The following SAMD3 variants were observed in gnomAD, a reference collection of about 807,000 sequenced individuals.
The protein encoded by SAMD3 is sterile alpha motif domain-containing protein 3.
SAMD3 carries 63 observed loss-of-function variants against 58.5 expected under a neutral mutation model. The ratio of observed to expected loss-of-function variants is 1.08; its 90% confidence interval spans 0.88 to 1.33. The LOEUF is 1.33. Ranked by LOEUF, SAMD3 falls within the 40% of genes most tolerant of loss-of-function variation. SAMD3 has a pLI of 0.00. For missense variants in SAMD3, 604 were observed against 608.4 expected (o/e 0.99, Z 0.08); for synonymous variants, 220 against 210.3 (o/e 1.05, Z -0.40).
At chr6:130,335,728 G>C (rs537150593) in intron 1 of SAMD3, among the ~76,000 whole-genome samples, 37 of 152,136 alleles carry the variant, frequency 2.4e-4, no homozygotes, top group African/African-American at 8.4e-4. Context: ...TGTTTATTGC[G>C]GCTCTATTCA....
chr6:130,165,125 T>C (rs1403260887), intron 8 of SAMD3, among the ~76,000 whole-genome samples: 4 of 152,148 alleles, frequency 2.6e-5, no homozygotes, highest in Non-Finnish European at 5.9e-5. Context: ...ACAACTGTTG[T>C]TTCTGGAGAA....
intron 2 of SAMD3, among the ~76,000 whole-genome samples, chr6:130,262,747 A>G (rs1053064887): frequency 6.6e-6 from 1 of 152,192 alleles, no homozygotes; most frequent in Non-Finnish European, 1.5e-5. Context: ...AGGAGCCATA[A>G]GAATGTAAAG....
chr6:130,287,671 C>T (rs190837349), intron 2 of SAMD3, among the ~76,000 whole-genome samples: 14 of 152,142 alleles, frequency 9.2e-5, no homozygotes, highest in Non-Finnish European at 1.8e-4. Context: ...TGTGGCCGGG[C>T]GCAGTGGCTC....
At chr6:130,190,731 C>G (rs910603438) in intron 5 of SAMD3, among the ~76,000 whole-genome samples, 1 of 151,924 alleles carries the variant, frequency 6.6e-6, no homozygotes, top group African/African-American at 2.4e-5. Context: ...AATTTATCCC[C>G]CTATATAGCC....
At chr6:130,287,943 C>CAA (rs3029967) in intron 2 of SAMD3, among the ~76,000 whole-genome samples, 48 of 107,060 alleles carry the variant, frequency 4.5e-4, no homozygotes, top group African/African-American at 1.6e-3. Context: ...GACTCCGTCT[C>CAA]AAAAAAAAAA....
chr6:130,218,155 T>C (rs1796086483), intron 1 of SAMD3, among the ~76,000 whole-genome samples: 2 of 152,104 alleles, frequency 1.3e-5, no homozygotes, highest in Non-Finnish European at 2.9e-5. Context: ...CTTTGAAGGG[T>C]CAGAAGAATG....
chr6:130,362,374 T>C (rs1050057867), intron 1 of SAMD3, among the ~76,000 whole-genome samples: 5 of 152,230 alleles, frequency 3.3e-5, no homozygotes, highest in African/African-American at 1.2e-4. Flanking sequence ...AATGACTGGT[T>C]CAGTACCATG....
chr6:130,304,400 C>T (rs1430801295), intron 2 of SAMD3, among the ~76,000 whole-genome samples: 1 of 152,156 alleles, frequency 6.6e-6, no homozygotes, highest in Non-Finnish European at 1.5e-5. Flanking sequence ...GAACTCCTGA[C>T]ATCAGGTGAT....
chr6:130,147,369 C>T (rs1788727910), intron 9 of SAMD3, among the ~76,000 whole-genome samples: 1 of 152,152 alleles, frequency 6.6e-6, no homozygotes, highest in African/African-American at 2.4e-5. Context: ...CCACAGTGGA[C>T]CACTAATCTA....
chr6:130,365,512 G>T (rs944152184), upstream of SAMD3: 97 of 985,250 alleles, frequency 9.8e-5, no homozygotes, highest in Non-Finnish European at 1.1e-4. Flanking sequence ...AGGAGAAAGC[G>T]TCCGAGGGGC....
intron 7 of SAMD3, chr6:130,176,242 T>C: frequency 1.8e-6 from 1 of 553,594 alleles, no homozygotes; most frequent in Non-Finnish European, 3.2e-6. Context: ...GTCACAGAAA[T>C]ATAAATCTTT....
At chr6:130,298,533 CT>C (rs1775643658) in intron 2 of SAMD3, among the ~76,000 whole-genome samples, 1 of 152,122 alleles carries the variant, frequency 6.6e-6, no homozygotes, top group Non-Finnish European at 1.5e-5. Context: ...CGATATTAAC[CT>C]CTGGGACATA....
intron 2 of SAMD3, among the ~76,000 whole-genome samples, chr6:130,249,362 T>C (rs1470831234): frequency 6.6e-6 from 1 of 152,142 alleles, no homozygotes. Flanking sequence ...ATCCAAAGCC[T>C]CATTTCTGAA....
upstream of SAMD3, among the ~76,000 whole-genome samples, chr6:130,224,723 A>G: frequency 6.6e-6 from 1 of 151,720 alleles, no homozygotes; most frequent in Non-Finnish European, 1.5e-5. Context: ...GGTTTAAGCG[A>G]TTCTCCTGCC....
chr6:130,245,024 T>C (rs17635780), intron 2 of SAMD3, among the ~76,000 whole-genome samples: 1,827 of 152,354 alleles, frequency 0.012, 18 homozygotes, highest in Non-Finnish European at 0.021. Flanking sequence ...GTGGGCTGTA[T>C]GAATTCTTAT....
chr6:130,220,783 CT>C (rs1197531445), intron 1 of SAMD3, among the ~76,000 whole-genome samples: 1 of 151,980 alleles, frequency 6.6e-6, no homozygotes, highest in Admixed American at 6.6e-5. Context: ...CAGCATGGTA[CT>C]GGAGGAAAAG....
chr6:130,165,010 G>A (rs151305997), intron 8 of SAMD3, among the ~76,000 whole-genome samples: 126 of 152,190 alleles, frequency 8.3e-4, no homozygotes, highest in African/African-American at 2.9e-3. Flanking sequence ...GAACTGAAAG[G>A]CAAAATAGAC....
intron 2 of SAMD3, among the ~76,000 whole-genome samples, chr6:130,231,812 G>GT (rs952387707): frequency 1.0e-4 from 15 of 148,986 alleles, no homozygotes; most frequent in Admixed American, 4.7e-4. Flanking sequence ...ATTATAGTTT[G>GT]TTTTTTTTTC....
chr6:130,201,263 G>A (rs566138682), intron 5 of SAMD3, among the ~76,000 whole-genome samples: 1 of 152,098 alleles, frequency 6.6e-6, no homozygotes, highest in South Asian at 2.1e-4. Flanking sequence ...GAATCTCTTT[G>A]ATTATTCCCT....
Sources: gnomAD v4.1 joint callset for allele counts (sites outside exome capture counted in the v4.1 genomes callset) on GRCh38, gnomAD v4.1.1 for gene constraint, MANE v1.5 for transcripts, NCBI Gene and HGNC (gene_info 2026-07-23, HGNC 2026-07-21) for gene names.